Variants in TCF7L2 observed in about 807,000 individuals in gnomAD.
TCF7L2 encodes the protein transcription factor 7-like 2.
In TCF7L2, 23 loss-of-function variants were observed where a neutral mutation model predicts 77.9. The observed-to-expected ratio is 0.30, with a 90% CI of 0.21 to 0.42. TCF7L2 has a LOEUF of 0.42. Ranked by LOEUF, TCF7L2 falls within the 10% of genes least tolerant of loss-of-function variation. The pLI, the probability that TCF7L2 is intolerant of heterozygous loss-of-function variation, is 1.00. For synonymous variants in TCF7L2, 413 were observed against 340.2 expected, an observed-to-expected ratio of 1.21 and a Z score of -2.36; for missense variants, 654 against 793.1, an observed-to-expected ratio of 0.82 and a Z score of 2.11.
chr10:113,086,564 A>G (rs2059856525), intron 5 of TCF7L2, among the ~76,000 whole-genome samples: 1 of 152,190 alleles, frequency 6.6e-6, no homozygotes, highest in Non-Finnish European at 1.5e-5. Flanking sequence ...CCACTTCTGA[A>G]GCTGGGGGTG....
intron 4 of TCF7L2, among the ~76,000 whole-genome samples, chr10:113,038,328 AATAACTAGGTTGCT>A (rs1444863139): frequency 6.8e-4 from 103 of 152,276 alleles, no homozygotes; most frequent in Admixed American, 1.5e-3. Flanking sequence ...CAACCGGACT[AATAACTAGGTTGCT>A]CACCACGGGA....
Position 113,061,684 on chromosome 10 carries a change from C to T in TCF7L2, c.552+21558C>T, listed in dbSNP as rs1451077016. 2.6e-5 allele frequency among the ~76,000 whole-genome samples: 4 copies of T among 152,306 alleles called. No individual in the cohort carries two copies. The East Asian group carries it at 7.7e-4, about 29-fold the overall frequency. Reference sequence around the variant, plus strand: ...AGATGAAAGGGCAGTGAATTAAGTGCCTGCTTTTTCTCCCTTTTTCCCTCT... The same window carrying T: ...AGATGAAAGGGCAGTGAATTAAGTGTCTGCTTTTTCTCCCTTTTTCCCTCT... On this transcript the variant is annotated intron_variant, in intron 5 of 13. Transcript: ENST00000627217.
At chr10:112,994,921 G>A (rs959100485) in intron 4 of TCF7L2, among the ~76,000 whole-genome samples, 2 of 152,080 alleles carry the variant, frequency 1.3e-5, no homozygotes, top group Admixed American at 6.5e-5. Context: ...CCAACATGGC[G>A]AAACCCCATC....
intron 5 of TCF7L2, among the ~76,000 whole-genome samples, chr10:113,071,540 C>T (rs2058017750): frequency 6.6e-6 from 1 of 152,150 alleles, no homozygotes; most frequent in Non-Finnish European, 1.5e-5. Flanking sequence ...GTCCCCCCGC[C>T]ACCTCTCTCC....
intron 4 of TCF7L2, among the ~76,000 whole-genome samples, chr10:113,010,414 A>G (rs2046261779): frequency 6.6e-6 from 1 of 152,176 alleles, no homozygotes; most frequent in East Asian, 1.9e-4. Flanking sequence ...AAAGGTCTCT[A>G]AATGATTTAC....
chr10:112,987,543 A>T (rs1485645424), intron 4 of TCF7L2: 5 of 152,034 alleles, frequency 3.3e-5, no homozygotes, highest in African/African-American at 1.2e-4. Context: ...AAGAGAAGCA[A>T]ACACCAGGTT....
intron 5 of TCF7L2, among the ~76,000 whole-genome samples, chr10:113,074,936 C>G (rs2058523862): frequency 6.6e-6 from 1 of 152,166 alleles, no homozygotes; most frequent in African/African-American, 2.4e-5. Flanking sequence ...TCAACAGTGC[C>G]AAAGCTGAGA....
At chr10:113,121,755 G>A (rs143554904) in intron 5 of TCF7L2, among the ~76,000 whole-genome samples, 3 of 147,670 alleles carry the variant, frequency 2.0e-5, no homozygotes, top group East Asian at 2.2e-4. Flanking sequence ...ACACACACAC[G>A]TGCACGCACA....
intron 4 of TCF7L2, among the ~76,000 whole-genome samples, chr10:113,002,810 A>G (rs1472579799): frequency 6.6e-6 from 1 of 152,158 alleles, no homozygotes; most frequent in Non-Finnish European, 1.5e-5. Flanking sequence ...TAAAAACCAC[A>G]TTATCCCTCC....
At chr10:112,961,260 C>A (rs1487255589) in intron 3 of TCF7L2, among the ~76,000 whole-genome samples, 1 of 129,084 alleles carries the variant, frequency 7.7e-6, no homozygotes, top group Non-Finnish European at 1.6e-5. Flanking sequence ...GGTGACCCCC[C>A]CCCCCCCAAC....
chr10:113,071,938 C>T (rs1035299839), intron 5 of TCF7L2, among the ~76,000 whole-genome samples: 2 of 152,394 alleles, frequency 1.3e-5, no homozygotes, highest in African/African-American at 2.4e-5. Context: ...CACTCTGCTT[C>T]AGCAGTACTC....
chr10:113,127,269 G>A (rs2065805698), intron 5 of TCF7L2, among the ~76,000 whole-genome samples: 1 of 144,178 alleles, frequency 6.9e-6, no homozygotes, highest in African/African-American at 2.6e-5. Flanking sequence ...TGTCCACCAA[G>A]TTAAAGACAC....
At chr10:112,950,998 G>A (rs2030812398) in intron 1 of TCF7L2, 53 bp downstream of exon 1, 4 of 1,558,480 alleles carry the variant, frequency 2.6e-6, no homozygotes, top group Non-Finnish European at 3.5e-6. Flanking sequence ...CCTGGGCTTG[G>A]CAAATGTTGC....
At chr10:113,092,609 G>C (rs1334024782) in intron 5 of TCF7L2, among the ~76,000 whole-genome samples, 2 of 152,170 alleles carry the variant, frequency 1.3e-5, no homozygotes, top group Non-Finnish European at 2.9e-5. Flanking sequence ...GGCTGGGTGT[G>C]GTGGGTCATG....
intron 3 of TCF7L2, among the ~76,000 whole-genome samples, chr10:112,956,367 T>TTTTA (rs753759334): frequency 1.3e-4 from 14 of 111,980 alleles, no homozygotes; most frequent in African/African-American, 4.3e-4. Context: ...TTTTTTTTTT[T>TTTTA]AAATGCTGGA....
chr10:112,984,093 G>A (rs1245859364), intron 4 of TCF7L2, among the ~76,000 whole-genome samples: 1 of 152,124 alleles, frequency 6.6e-6, no homozygotes, highest in African/African-American at 2.4e-5. Context: ...CAGTGCTTTG[G>A]GATCTATTTA....
At chr10:113,080,913 A>G (rs962407327) in intron 5 of TCF7L2, among the ~76,000 whole-genome samples, 3 of 152,226 alleles carry the variant, frequency 2.0e-5, no homozygotes, top group Non-Finnish European at 1.5e-5. Flanking sequence ...AAAAGAGGAT[A>G]TGTAATTGGG....
intron 5 of TCF7L2, among the ~76,000 whole-genome samples, chr10:113,042,115 G>A (rs1183390235): frequency 1.3e-5 from 2 of 152,294 alleles, no homozygotes; most frequent in South Asian, 2.1e-4. Context: ...AAGAACAGTT[G>A]CCACAACCTG....
intron 4 of TCF7L2, among the ~76,000 whole-genome samples, chr10:112,986,374 A>G (rs2041547355): frequency 6.6e-6 from 1 of 152,096 alleles, no homozygotes; most frequent in African/African-American, 2.4e-5. Context: ...TAAAAGAAGC[A>G]GTGAGTTGAT....
Sources: gnomAD v4.1 joint callset for allele counts (sites outside exome capture counted in the v4.1 genomes callset) on GRCh38, gnomAD v4.1.1 for gene constraint, MANE v1.5 for transcripts, NCBI Gene and HGNC (gene_info 2026-07-23, HGNC 2026-07-21) for gene names.